SRRM4: variants seen among roughly 807,000 people sequenced by gnomAD.
SRRM4 encodes serine/arginine repetitive matrix 4.
A neutral mutation model predicts 68.9 loss-of-function variants in SRRM4; 33 were observed. That is an observed-to-expected ratio of 0.48 (90% CI 0.36 to 0.64). The LOEUF is 0.64. Among genes scored for constraint, SRRM4 ranks in the 30% least tolerant of loss-of-function variants. SRRM4 has a pLI of 0.00. For synonymous variants in SRRM4, 318 were observed against 318.8 expected, an observed-to-expected ratio of 1.00 and a Z score of 0.03; for missense variants, 817 against 827.1, an observed-to-expected ratio of 0.99 and a Z score of 0.15.
chr12:119,129,631 G>C (rs1166074098), intron 7 of SRRM4, among the ~76,000 whole-genome samples: 1 of 152,224 alleles, frequency 6.6e-6, no homozygotes, highest in Non-Finnish European at 1.5e-5. Context: ...ACATTAAACT[G>C]AATAACTGAA....
chr12:119,060,305 T>C (rs968280695), intron 1 of SRRM4, among the ~76,000 whole-genome samples: 4 of 151,062 alleles, frequency 2.6e-5, no homozygotes, highest in Non-Finnish European at 4.4e-5. Context: ...GAAAATAAAG[T>C]GTCCAGGAGA....
At chr12:118,992,926 G>A (rs1594017453) in intron 1 of SRRM4, among the ~76,000 whole-genome samples, 1 of 152,184 alleles carries the variant, frequency 6.6e-6, no homozygotes, top group East Asian at 1.9e-4. Flanking sequence ...GAAGAAGACA[G>A]AAAAATCAAT....
intron 1 of SRRM4, among the ~76,000 whole-genome samples, chr12:119,030,651 A>G (rs1953583281): frequency 6.6e-6 from 1 of 152,210 alleles, no homozygotes; most frequent in African/African-American, 2.4e-5. Context: ...TCACAAAATT[A>G]CAATCATATT....
intron 1 of SRRM4, among the ~76,000 whole-genome samples, chr12:119,021,419 A>G (rs758611850): frequency 9.2e-5 from 14 of 152,192 alleles, no homozygotes; most frequent in Non-Finnish European, 1.9e-4. Flanking sequence ...AGCTTTCATC[A>G]GGGTAGGGGT....
chr12:118,987,239 T>C (rs1198428243), intron 1 of SRRM4, among the ~76,000 whole-genome samples: 1 of 152,154 alleles, frequency 6.6e-6, no homozygotes, highest in Non-Finnish European at 1.5e-5. Context: ...ATAATTTATA[T>C]AAAGAGCATG....
chr12:119,052,520 GT>G lies in SRRM4; in HGVS notation c.132-49712del, dbSNP rs747681004. On this transcript the variant is annotated intron_variant, in intron 1 of 12. Transcript: ENST00000267260. Reference sequence around the variant, plus strand: ...CTTTTTTGTTGTTGTTGTTGTTGTTGTTTTGTTTGTTTATTTATTTATTTTT... The same window carrying G: ...CTTTTTTGTTGTTGTTGTTGTTGTTGTTTGTTTGTTTATTTATTTATTTTT... Among the ~76,000 whole-genome samples the G allele has an allele frequency of 1.3e-4, 19 of 141,008 alleles. No individual in the cohort carries two copies. In the South Asian group the frequency reaches 4.5e-3, roughly 33 times the overall value. The allele number at this position is 141,008 out of a possible 152,430, so 92.5% of individuals were successfully genotyped here.
chr12:119,093,307 T>C (rs2136037832), intron 1 of SRRM4, among the ~76,000 whole-genome samples: 1 of 152,310 alleles, frequency 6.6e-6, no homozygotes, highest in East Asian at 1.9e-4. Context: ...CAATAAATAT[T>C]TGTTGAATGA....
chr12:119,145,665 C>T lies in SRRM4; in HGVS notation c.1056C>T (p.Thr352=), dbSNP rs200688289. 5.3e-6 allele frequency: 8 copies of T among 1,523,000 alleles called. No homozygotes were observed. In the East Asian group the frequency reaches 1.6e-4, roughly 30 times the overall value. The allele number at this position is 1,523,000 out of a possible 1,614,324, so 94.3% of individuals were successfully genotyped here. A position where few individuals can be genotyped will look rare whatever the true frequency, so the allele number is the denominator to read the frequency against. The change falls in exon 9 of 13, where the codon ACC becomes ACT. Residue 352 remains threonine, a synonymous_variant. Transcript: ENST00000267260. ...CCATGTTGGAGAATCTCTCCCCCAC[C>T]AGCAGGGGCAGAGAGTCAAGGTCAG... ...KGAMLENLSP[T]SRGRESRGFQ...
intron 5 of SRRM4, 22 bp downstream of exon 5, chr12:119,120,298 T>A: frequency 1.3e-6 from 2 of 1,550,742 alleles, no homozygotes; most frequent in South Asian, 1.2e-5. Flanking sequence ...GTTCTCTGAC[T>A]GCCTGTTCAA....
intron 1 of SRRM4, among the ~76,000 whole-genome samples, chr12:119,042,948 G>A (rs145417321): frequency 0.018 from 2,701 of 152,236 alleles, 61 homozygotes; most frequent in African/African-American, 0.051. Flanking sequence ...TGGTGGGAGT[G>A]TAAATTAGTT....
intron 1 of SRRM4, among the ~76,000 whole-genome samples, chr12:119,075,657 C>CGATGATGGTGAT (rs796517497): frequency 7.7e-6 from 1 of 129,222 alleles, no homozygotes; most frequent in Non-Finnish European, 1.6e-5. Flanking sequence ...ATGATGGTAG[C>CGATGATGGTGAT]GATGATGGTG....
chr12:119,066,556 G>A (rs1236704684), intron 1 of SRRM4, among the ~76,000 whole-genome samples: 1 of 152,206 alleles, frequency 6.6e-6, no homozygotes, highest in African/African-American at 2.4e-5. Context: ...TCGGAAGTGG[G>A]GCTGGGCAAT....
chr12:119,060,483 T>G (rs1001050220), intron 1 of SRRM4, among the ~76,000 whole-genome samples: 1 of 150,912 alleles, frequency 6.6e-6, no homozygotes, highest in Non-Finnish European at 1.5e-5. Context: ...ACATTCACAC[T>G]CATTTACACC....
chr12:119,151,448 T>C (rs1954438884), intron 10 of SRRM4, among the ~76,000 whole-genome samples: 1 of 152,224 alleles, frequency 6.6e-6, no homozygotes, highest in Non-Finnish European at 1.5e-5. Flanking sequence ...AAAAGATTGT[T>C]CTGAGGGCTA....
chr12:119,113,723 C>T (rs1954159049), intron 2 of SRRM4, among the ~76,000 whole-genome samples: 2 of 152,138 alleles, frequency 1.3e-5, no homozygotes, highest in South Asian at 2.1e-4. Context: ...TAACTGCAGC[C>T]TCAGCATTTG....
intron 1 of SRRM4, among the ~76,000 whole-genome samples, chr12:119,092,348 G>T (rs950125607): frequency 6.6e-6 from 1 of 152,110 alleles, no homozygotes; most frequent in Admixed American, 6.5e-5. Flanking sequence ...CCAGGCTCAT[G>T]TACCCACTTG....
chr12:118,999,834 T>C (rs570572818), intron 1 of SRRM4, among the ~76,000 whole-genome samples: 3 of 152,238 alleles, frequency 2.0e-5, no homozygotes, highest in Non-Finnish European at 2.9e-5. Flanking sequence ...CTAATTAACT[T>C]GTTAATACTT....
chr12:119,108,829 T>C (rs1045262607), intron 2 of SRRM4, among the ~76,000 whole-genome samples: 4 of 152,306 alleles, frequency 2.6e-5, no homozygotes, highest in African/African-American at 9.6e-5. Context: ...CATTTTAAGG[T>C]TAATATTGTT....
At chr12:119,155,685 C>T (rs59948486) in intron 12 of SRRM4, among the ~76,000 whole-genome samples, 3,925 of 152,116 alleles carry the variant, frequency 0.026, 191 homozygotes, top group African/African-American at 0.089. Context: ...TGCAGTGAGC[C>T]GAGATCGCAC....
Sources: allele counts gnomAD v4.1 joint callset (sites outside exome capture counted in the v4.1 genomes callset), GRCh38; gene constraint gnomAD v4.1.1; transcripts MANE v1.5; gene names NCBI Gene and HGNC (gene_info 2026-07-23, HGNC 2026-07-21).